THSD4: variants seen among roughly 807,000 people sequenced by gnomAD.
THSD4 encodes the protein thrombospondin type-1 domain-containing protein 4.
Under a neutral mutation model 119.0 loss-of-function variants are expected in THSD4, and 69 were observed. That is an observed-to-expected ratio of 0.58 (90% CI 0.48 to 0.71). THSD4 has a LOEUF of 0.71. Ranked by LOEUF, THSD4 falls within the 30% of genes least tolerant of loss-of-function variation. The pLI is 0.00. For missense variants in THSD4, 1,393 were observed against 1,391.1 expected (o/e 1.00, Z -0.02); for synonymous variants, 524 against 540.4 (o/e 0.97, Z 0.42).
intron 6 of THSD4, among the ~76,000 whole-genome samples, chr15:71,362,694 C>T (rs1033981192): frequency 6.6e-6 from 1 of 152,100 alleles, no homozygotes; most frequent in Non-Finnish European, 1.5e-5. Context: ...CATGCATGGT[C>T]CCGGTGCTAT....
intron 7 of THSD4, among the ~76,000 whole-genome samples, chr15:71,570,960 C>T (rs546012470): frequency 2.8e-4 from 42 of 152,258 alleles, no homozygotes; most frequent in African/African-American, 9.4e-4. Flanking sequence ...GACGTGGCTG[C>T]GCCTCTGTGG....
intron 8 of THSD4, among the ~76,000 whole-genome samples, chr15:71,712,169 C>A (rs1238286905): frequency 6.6e-6 from 1 of 152,014 alleles, no homozygotes; most frequent in Admixed American, 6.5e-5. Flanking sequence ...CTTTTCTCAT[C>A]ATAATGGAAT....
chr15:71,340,326 A>G lies in THSD4; in HGVS notation c.1016-71361A>G, dbSNP rs150093065. Among the ~76,000 whole-genome samples the G allele has an allele frequency of 1.5e-4, 23 of 152,324 alleles. No individual in the cohort carries two copies. The East Asian group carries it at 4.4e-3, about 29-fold the overall frequency. ...TCAGAGAGGTTGAAGGACTTGCTGA[A>G]GGTCACTTTAAAGACCAGAATATGG... On this transcript the variant is annotated intron_variant, in intron 6 of 17. Transcript: ENST00000261862.
At chr15:71,741,178 T>G (rs1022140093) in intron 11 of THSD4, among the ~76,000 whole-genome samples, 1 of 152,160 alleles carries the variant, frequency 6.6e-6, no homozygotes, top group Admixed American at 6.5e-5. Context: ...GCATAAAGAA[T>G]GTGGATTTAC....
chr15:71,641,249 C>T (rs560126105), intron 7 of THSD4, among the ~76,000 whole-genome samples: 54 of 152,214 alleles, frequency 3.5e-4, no homozygotes, highest in African/African-American at 1.2e-3. Flanking sequence ...CCAATCACTA[C>T]GTGGGATCAG....
At position 71,432,360 on chromosome 15, in the gene THSD4, G is replaced by A. The variant is rs537590150; in HGVS notation, c.1152+20537G>A. Among the ~76,000 whole-genome samples, 36 of 152,266 alleles carry A rather than the reference G, an allele frequency of 2.4e-4. No individual in the cohort carries two copies. In the South Asian group the frequency reaches 5.0e-3, roughly 21 times the overall value. ...AGACTTGATCAAAAGTAGAATCACA[G>A]GTCATTGTGAAACAATCATTTGTTT... is the stretch of plus-strand genomic sequence containing the variant. On this transcript the variant is annotated intron_variant, in intron 7 of 17. Coordinates refer to ENST00000261862, the MANE Select transcript of THSD4 (RefSeq NM_024817.3).
At position 71,309,924 on chromosome 15, in the gene THSD4, A is replaced by G. The variant is rs148909200; in HGVS notation, c.1015+53209A>G. On this transcript the variant is annotated intron_variant, in intron 6 of 17. Transcript: ENST00000261862. ...GCTGACCTCTGCTACTTTCCTCCCTACCTCATGTACTCGCAGATGGACACC... is the reference window on the plus strand; with the variant it reads ...GCTGACCTCTGCTACTTTCCTCCCTGCCTCATGTACTCGCAGATGGACACC... Among the ~76,000 whole-genome samples the G allele has an allele frequency of 4.4e-4, 67 of 152,176 alleles. No homozygotes were observed. In the East Asian group the frequency reaches 0.012, roughly 27 times the overall value.
At chr15:71,317,534 A>T (rs2045205865) in intron 6 of THSD4, among the ~76,000 whole-genome samples, 1 of 152,184 alleles carries the variant, frequency 6.6e-6, no homozygotes, top group Admixed American at 6.5e-5. Context: ...GCAGGGGAAA[A>T]ACACACCCCC....
chr15:71,671,079 G>C (rs574740086), intron 8 of THSD4, among the ~76,000 whole-genome samples: 7 of 152,298 alleles, frequency 4.6e-5, no homozygotes, highest in Admixed American at 4.6e-4. Flanking sequence ...CACAATGGTT[G>C]AACTAATTTA....
chr15:71,630,627 A>T (rs1435554036), intron 7 of THSD4, among the ~76,000 whole-genome samples: 1 of 152,154 alleles, frequency 6.6e-6, no homozygotes, highest in African/African-American at 2.4e-5. Flanking sequence ...CCTTCACTGC[A>T]TTGTTTCTGG....
At chr15:71,377,914 A>ACACACACACACACAC (rs57687864) in intron 6 of THSD4, among the ~76,000 whole-genome samples, 6 of 146,142 alleles carry the variant, frequency 4.1e-5, no homozygotes, top group African/African-American at 1.3e-4. Flanking sequence ...ACACACACAC[A>ACACACACACACACAC]ATTTCCTTCA....
intron 8 of THSD4, among the ~76,000 whole-genome samples, chr15:71,699,557 G>T (rs968742733): frequency 2.6e-5 from 4 of 152,132 alleles, no homozygotes; most frequent in African/African-American, 9.7e-5. Flanking sequence ...CCCAGAGTTT[G>T]CCAAAGCCAC....
upstream of THSD4, chr15:71,111,767 G>A: frequency 1.9e-6 from 1 of 514,808 alleles, no homozygotes; most frequent in Non-Finnish European, 3.4e-6. Flanking sequence ...TTATACGGGG[G>A]TTTCCTTTCC....
At chr15:71,380,403 T>G (rs1441009348) in intron 6 of THSD4, among the ~76,000 whole-genome samples, 1 of 152,118 alleles carries the variant, frequency 6.6e-6, no homozygotes, top group Non-Finnish European at 1.5e-5. Context: ...TTGAATAATT[T>G]TTTATATTCT....
intron 7 of THSD4, among the ~76,000 whole-genome samples, chr15:71,506,743 C>T (rs1567012934): frequency 1.3e-5 from 2 of 152,256 alleles, no homozygotes; most frequent in African/African-American, 2.4e-5. Context: ...CTGGTCTGAA[C>T]TGGCCCAAGG....
At chr15:71,328,924 A>C (rs1256361177) in intron 6 of THSD4, among the ~76,000 whole-genome samples, 1 of 152,178 alleles carries the variant, frequency 6.6e-6, no homozygotes, top group Admixed American at 6.5e-5. Context: ...CAGTTTCCTG[A>C]TCTGTAGAAT....
Position 71,741,168 on chromosome 15 carries a change from G to A in THSD4, c.1906+3161G>A, listed in dbSNP as rs541283004. On this transcript the variant is annotated intron_variant, in intron 11 of 17. Coordinates refer to ENST00000261862, the MANE Select transcript of THSD4 (RefSeq NM_024817.3). Reference sequence around the variant, plus strand: ...CCTTTTCCCATGTTCTGTCAACATAGCATAAAGAATGTGGATTTACCTGTT... The same window carrying A: ...CCTTTTCCCATGTTCTGTCAACATAACATAAAGAATGTGGATTTACCTGTT... Among the ~76,000 whole-genome samples, 22 of 152,242 alleles carry A rather than the reference G, an allele frequency of 1.4e-4. 1 individual carries two copies. In the South Asian group the frequency reaches 4.6e-3, roughly 32 times the overall value.
At chr15:71,711,903 G>A (rs559644961) in intron 8 of THSD4, among the ~76,000 whole-genome samples, 7 of 152,188 alleles carry the variant, frequency 4.6e-5, no homozygotes, top group Non-Finnish European at 1.0e-4. Flanking sequence ...TAAAACACAT[G>A]AAGCAAAAAC....
At chr15:71,145,496 A>G (rs2040648719) in intron 2 of THSD4, among the ~76,000 whole-genome samples, 1 of 152,156 alleles carries the variant, frequency 6.6e-6, no homozygotes, top group Non-Finnish European at 1.5e-5. Context: ...TCCTTGATGC[A>G]TACTTCAGTA....
Sources: gnomAD v4.1 joint callset for allele counts (sites outside exome capture counted in the v4.1 genomes callset) on GRCh38, gnomAD v4.1.1 for gene constraint, MANE v1.5 for transcripts, NCBI Gene and HGNC (gene_info 2026-07-23, HGNC 2026-07-21) for gene names.